MAF: variants seen among roughly 807,000 people sequenced by gnomAD.
MAF encodes MAF bZIP transcription factor.
MAF carries 10 observed loss-of-function variants against 22.0 expected under a neutral mutation model. The observed-to-expected ratio is 0.45, with a 90% CI of 0.28 to 0.77. The LOEUF (loss-of-function observed/expected upper bound fraction) is 0.77. Ranked by LOEUF, MAF falls within the 30% of genes least tolerant of loss-of-function variation. The pLI is 0.12. For missense variants in MAF, 544 were observed against 548.4 expected (o/e 0.99, Z 0.08); for synonymous variants, 337 against 255.8 (o/e 1.32, Z -3.03).
chr16:79,532,548 T>C, the MAF span, among the ~76,000 whole-genome samples: 213 of 152,332 alleles, frequency 1.4e-3, no homozygotes, highest in Middle Eastern at 6.8e-3. Context: ...CCACAAATTA[T>C]CTGGCTTCTA....
chr16:79,493,907 G>GT, the MAF span, among the ~76,000 whole-genome samples: 9,373 of 140,880 alleles, frequency 0.067, 441 homozygotes, highest in African/African-American at 0.14. Flanking sequence ...CATGGAACTG[G>GT]TTTTTTTTTT....
At chr16:79,272,545 A>G in the MAF span, among the ~76,000 whole-genome samples, 1 of 152,216 alleles carries the variant, frequency 6.6e-6, no homozygotes, top group Admixed American at 6.5e-5. Flanking sequence ...GGATGCCCTA[A>G]GTAGGACAAC....
the MAF span, among the ~76,000 whole-genome samples, chr16:79,542,854 G>T: frequency 6.6e-6 from 1 of 152,208 alleles, no homozygotes; most frequent in Non-Finnish European, 1.5e-5. Flanking sequence ...GAGTGTCAAG[G>T]CAGTTGGTTT....
At chr16:79,554,559 A>T in the MAF span, among the ~76,000 whole-genome samples, 2 of 152,178 alleles carry the variant, frequency 1.3e-5, no homozygotes, top group Admixed American at 1.3e-4. Context: ...AAGACAACAC[A>T]GGTGGATGAG....
chr16:79,243,803 T>C, the MAF span, among the ~76,000 whole-genome samples: 1 of 152,050 alleles, frequency 6.6e-6, no homozygotes, highest in Non-Finnish European at 1.5e-5. Context: ...TGAACATTGC[T>C]GCGAAAATCC....
chr16:79,541,063 A>T, the MAF span, among the ~76,000 whole-genome samples: 9 of 152,206 alleles, frequency 5.9e-5, no homozygotes, highest in African/African-American at 2.2e-4. Flanking sequence ...ACTACTATTG[A>T]CACGATTACT....
chr16:79,338,563 C>A, the MAF span, among the ~76,000 whole-genome samples: 1 of 151,316 alleles, frequency 6.6e-6, no homozygotes, highest in Non-Finnish European at 1.5e-5. Flanking sequence ...GTGTTGAAAA[C>A]GTACAAGGTT....
the MAF span, among the ~76,000 whole-genome samples, chr16:79,440,892 A>C: frequency 6.6e-6 from 1 of 152,210 alleles, no homozygotes; most frequent in Admixed American, 6.5e-5. Flanking sequence ...GGCCCAAAGG[A>C]AAAAGCTGTG....
chr16:79,505,988 G>A, the MAF span, among the ~76,000 whole-genome samples: 12 of 152,060 alleles, frequency 7.9e-5, 1 homozygote, highest in South Asian at 4.2e-4. Context: ...GCAAAAGAAG[G>A]GAAGGGGAAA....
the MAF span, among the ~76,000 whole-genome samples, chr16:79,316,671 A>G: frequency 6.6e-6 from 1 of 152,170 alleles, no homozygotes; most frequent in African/African-American, 2.4e-5. Flanking sequence ...GGAAACAGAA[A>G]TGTTACTGGG....
At chr16:79,403,876 G>A in the MAF span, among the ~76,000 whole-genome samples, 1 of 152,144 alleles carries the variant, frequency 6.6e-6, no homozygotes, top group South Asian at 2.1e-4. Flanking sequence ...TTTCTTTGTG[G>A]CATGGATGGC....
At chr16:79,484,587 C>T in the MAF span, among the ~76,000 whole-genome samples, 1 of 152,180 alleles carries the variant, frequency 6.6e-6, no homozygotes, top group African/African-American at 2.4e-5. Flanking sequence ...CAGGAGACAG[C>T]CTCCCTTGGA....
chr16:79,560,151 T>G, the MAF span, among the ~76,000 whole-genome samples: 1 of 152,044 alleles, frequency 6.6e-6, no homozygotes, highest in Admixed American at 6.6e-5. Context: ...CCTCAAGCAA[T>G]TCTCCTGCCT....
the MAF span, among the ~76,000 whole-genome samples, chr16:79,216,325 T>C: frequency 4.6e-5 from 7 of 152,232 alleles, no homozygotes; most frequent in Admixed American, 2.6e-4. Flanking sequence ...ATGTGGCACA[T>C]GTGCATATGC....
chr16:79,208,283 C>G, the MAF span, among the ~76,000 whole-genome samples: 1 of 152,122 alleles, frequency 6.6e-6, no homozygotes, highest in Non-Finnish European at 1.5e-5. Flanking sequence ...TCGTCAACAA[C>G]CTAACTCATT....
At chr16:79,344,433 T>A in the MAF span, among the ~76,000 whole-genome samples, 2 of 152,162 alleles carry the variant, frequency 1.3e-5, no homozygotes, top group African/African-American at 2.4e-5. Flanking sequence ...TGGGACAATT[T>A]TGAACCTGGA....
chr16:79,350,077 G>A, the MAF span, among the ~76,000 whole-genome samples: 1 of 152,158 alleles, frequency 6.6e-6, no homozygotes, highest in African/African-American at 2.4e-5. Context: ...TCTCTGCTCT[G>A]GCTTCCTCTG....
At chr16:79,289,164 G>A in the MAF span, among the ~76,000 whole-genome samples, 2 of 152,164 alleles carry the variant, frequency 1.3e-5, no homozygotes, top group Admixed American at 1.3e-4. Context: ...TCTCAAGATT[G>A]TGGAGAAACA....
At chr16:79,392,178 G>C in the MAF span, among the ~76,000 whole-genome samples, 1 of 146,462 alleles carries the variant, frequency 6.8e-6, no homozygotes, top group Admixed American at 7.0e-5. Flanking sequence ...GAGGGAAGAA[G>C]GAAGAGAAGA....
Sources: allele counts gnomAD v4.1 joint callset (sites outside exome capture counted in the v4.1 genomes callset), GRCh38; gene constraint gnomAD v4.1.1; transcripts MANE v1.5; gene names NCBI Gene and HGNC (gene_info 2026-07-23, HGNC 2026-07-21).